The following CTIF variants were observed in gnomAD, a reference collection of about 807,000 sequenced individuals.
CTIF encodes the protein CBP80/20-dependent translation initiation factor.
Under a neutral mutation model 66.0 loss-of-function variants are expected in CTIF, and 21 were observed. The observed-to-expected ratio is 0.32, with a 90% CI of 0.23 to 0.46. The LOEUF is 0.46. Among genes scored for constraint, CTIF ranks in the 20% least tolerant of loss-of-function variants. The pLI is 1.00. For synonymous variants in CTIF, 345 were observed against 326.4 expected (o/e 1.06, Z -0.62); for missense variants, 739 against 812.7 (o/e 0.91, Z 1.10).
At chr18:48,684,587 A>G (rs1056337814) in intron 6 of CTIF, among the ~76,000 whole-genome samples, 1 of 152,220 alleles carries the variant, frequency 6.6e-6, no homozygotes, top group African/African-American at 2.4e-5. Flanking sequence ...CAATATAGGT[A>G]TACCGAATTT....
chr18:48,781,200 A>C (rs1382657366), intron 9 of CTIF, among the ~76,000 whole-genome samples: 2 of 152,192 alleles, frequency 1.3e-5, no homozygotes, highest in Non-Finnish European at 2.9e-5. Flanking sequence ...CCCCAGCGCC[A>C]GCCCCTGTCT....
At chr18:48,751,691 G>T (rs2145821740) in intron 7 of CTIF, among the ~76,000 whole-genome samples, 1 of 152,344 alleles carries the variant, frequency 6.6e-6, no homozygotes, top group African/African-American at 2.4e-5. Context: ...GCTGGGGAAG[G>T]CTCCTGCTCA....
intron 2 of CTIF, among the ~76,000 whole-genome samples, chr18:48,633,737 A>AAATAAATAAATG (rs1221859616): frequency 1.4e-4 from 21 of 149,950 alleles, no homozygotes; most frequent in Non-Finnish European, 2.4e-4. Context: ...ATAAATAAAT[A>AAATAAATAAATG]AATGTACATA....
At position 48,770,315 on chromosome 18, in the gene CTIF, C is replaced by T. The variant is rs992395040; in HGVS notation, c.1371+8626C>T. Among the ~76,000 whole-genome samples the T allele has an allele frequency of 7.9e-5, 12 of 152,238 alleles. No homozygotes were observed. In the East Asian group the frequency reaches 9.7e-4, roughly 12 times the overall value. On this transcript the variant is annotated intron_variant, in intron 9 of 11. Transcript: ENST00000256413. ...CCAGCTTCCTGCCTCTTTGCCACTG[C>T]GCCACTGTGCCACTGCGCCACTGCG...
intron 3 of CTIF, among the ~76,000 whole-genome samples, chr18:48,658,122 GTATGTGTA>G (rs2091274536): frequency 1.3e-5 from 2 of 152,164 alleles, no homozygotes. Context: ...GCTGACACAT[GTATGTGTA>G]TGTGTGTGTG....
At chr18:48,556,569 T>G (rs951663459) in intron 1 of CTIF, among the ~76,000 whole-genome samples, 7 of 150,836 alleles carry the variant, frequency 4.6e-5, no homozygotes, top group Middle Eastern at 3.5e-3. Context: ...GGCATTGTGT[T>G]TGTTTGTTTT....
At chr18:48,701,559 T>C (rs1256203668) in intron 6 of CTIF, among the ~76,000 whole-genome samples, 13 of 100,816 alleles carry the variant, frequency 1.3e-4, no homozygotes, top group Non-Finnish European at 2.2e-4. Context: ...CACAGTGCAC[T>C]CCCTTCAGTG....
chr18:48,773,102 G>T (rs775127008), intron 9 of CTIF, among the ~76,000 whole-genome samples: 1 of 152,222 alleles, frequency 6.6e-6, no homozygotes, highest in Non-Finnish European at 1.5e-5. Flanking sequence ...GGGAGCCATT[G>T]TGGGTTCTTG....
At chr18:48,693,361 C>T (rs754497607) in intron 6 of CTIF, among the ~76,000 whole-genome samples, 4 of 152,180 alleles carry the variant, frequency 2.6e-5, no homozygotes, top group Non-Finnish European at 4.4e-5. Context: ...TTCTCGACCA[C>T]GTTGTAGACT....
Position 48,861,616 on chromosome 18 carries a change from G to A in CTIF, c.*2057G>A, listed in dbSNP as rs2069470889. 1 of 152,402 alleles carries A rather than the reference G, an allele frequency of 6.6e-6. No homozygotes were observed. Among genetic ancestry groups the A allele is most frequent in the Non-Finnish European group, 1.5e-5 (1 of 68,242 alleles). The allele number at this position is 152,402 out of a possible 1,614,324, so 9.4% of individuals were successfully genotyped here. ...GGAGGAGGCAAGGCCCCCGAAGAGA[G>A]GAGAGACCTGGGAGTGGGAGCTCAG... On this transcript the variant is annotated 3_prime_UTR_variant, in exon 12 of 12. Coordinates refer to ENST00000256413, the MANE Select transcript of CTIF (RefSeq NM_014772.3).
At chr18:48,646,196 A>C (rs2091027703) in intron 3 of CTIF, among the ~76,000 whole-genome samples, 2 of 152,320 alleles carry the variant, frequency 1.3e-5, no homozygotes, top group South Asian at 4.1e-4. Flanking sequence ...GAATATATAA[A>C]GAACTCTCAA....
intron 2 of CTIF, among the ~76,000 whole-genome samples, chr18:48,624,625 G>A (rs2090561093): frequency 6.6e-6 from 1 of 152,146 alleles, no homozygotes; most frequent in Non-Finnish European, 1.5e-5. Context: ...ACTCACTTAG[G>A]GAGCTGTGAG....
intron 10 of CTIF, among the ~76,000 whole-genome samples, chr18:48,818,460 A>T (rs1040654054): frequency 1.3e-5 from 2 of 152,112 alleles, no homozygotes; most frequent in African/African-American, 2.4e-5. Context: ...GAAAAGCAAG[A>T]GTCAGTTATG....
At chr18:48,551,557 C>G (rs2088881773) in intron 1 of CTIF, among the ~76,000 whole-genome samples, 1 of 152,124 alleles carries the variant, frequency 6.6e-6, no homozygotes, top group Non-Finnish European at 1.5e-5. Context: ...AGGACTTCAC[C>G]CCCTAAGTGT....
chr18:48,663,913 A>G (rs1598827194), intron 4 of CTIF, 88 bp downstream of exon 4: 1 of 1,208,600 alleles, frequency 8.3e-7, no homozygotes, highest in East Asian at 2.3e-5. Flanking sequence ...CTGATGGTTC[A>G]TGAGCAAGAG....
chr18:48,542,796 T>C (rs1298238009), intron 1 of CTIF, among the ~76,000 whole-genome samples: 1 of 152,212 alleles, frequency 6.6e-6, no homozygotes, highest in African/African-American at 2.4e-5. Context: ...TTGATAGCCT[T>C]GTTACCCTGA....
intron 3 of CTIF, among the ~76,000 whole-genome samples, chr18:48,661,376 G>GTT (rs984028479): frequency 2.8e-5 from 4 of 143,862 alleles, no homozygotes; most frequent in Non-Finnish European, 6.2e-5. Context: ...GGAAGCAAGA[G>GTT]TTTTGTTTGC....
In CTIF at chr18:48,549,115, T is replaced by C. The variant is rs191147754; in HGVS notation, c.-29+9803T>C. Among the ~76,000 whole-genome samples the C allele has an allele frequency of 4.1e-4, 62 of 152,334 alleles. 1 individual carries two copies. Among genetic ancestry groups the C allele is most frequent in the Admixed American group, 3.9e-3 (59 of 15,302 alleles). On this transcript the variant is annotated intron_variant, in intron 1 of 11. Coordinates refer to ENST00000256413, the MANE Select transcript of CTIF (RefSeq NM_014772.3). ...GCATGTGGGTCATACCTGACACTAT[T>C]ATCAGACACTGTTATCAGTCATTTA... is the stretch of plus-strand genomic sequence containing the variant.
intron 10 of CTIF, among the ~76,000 whole-genome samples, chr18:48,852,845 A>AT (rs1424186969): frequency 5.8e-4 from 89 of 152,320 alleles, no homozygotes; most frequent in Middle Eastern, 3.4e-3. Flanking sequence ...TCTGTTGTTG[A>AT]TGATTATCAC....
Sources: allele counts gnomAD v4.1 joint callset (sites outside exome capture counted in the v4.1 genomes callset), GRCh38; gene constraint gnomAD v4.1.1; transcripts MANE v1.5; gene names NCBI Gene and HGNC (gene_info 2026-07-23, HGNC 2026-07-21).